The following KLHL4 variants were observed in gnomAD, a reference collection of about 807,000 sequenced individuals.
KLHL4 encodes the protein kelch-like protein 4.
Under a neutral mutation model 45.8 loss-of-function variants are expected in KLHL4, and 17 were observed. That is an observed-to-expected ratio of 0.37 (90% CI 0.25 to 0.56). KLHL4 has a LOEUF of 0.56. Ranked by LOEUF, KLHL4 falls within the 20% of genes least tolerant of loss-of-function variation. The pLI, the probability that KLHL4 is intolerant of heterozygous loss-of-function variation, is 0.79. For synonymous variants in KLHL4, 224 were observed against 189.9 expected, an observed-to-expected ratio of 1.18 and a Z score of -1.47; for missense variants, 544 against 544.9, an observed-to-expected ratio of 1.00 and a Z score of 0.02.
intron 9 of KLHL4, among the ~76,000 whole-genome samples, chrX:87,656,106 G>T (rs1197984201): frequency 9.1e-6 from 1 of 110,277 alleles, no homozygotes; most frequent in African/African-American, 3.3e-5. Flanking sequence ...CTTTTCTTTT[G>T]CTGATTTTAG....
chrX:87,568,189 T>C (rs1394529340), intron 1 of KLHL4, among the ~76,000 whole-genome samples: 1 of 108,354 alleles, frequency 9.2e-6, no homozygotes, highest in African/African-American at 3.4e-5. Context: ...GGGGAGAAAA[T>C]GGGGCTTTAT....
At chrX:87,530,283 A>G (rs1459824976) in intron 1 of KLHL4, among the ~76,000 whole-genome samples, 1 of 102,661 alleles carries the variant, frequency 9.7e-6, no homozygotes, top group Non-Finnish European at 2.0e-5. Context: ...TTTTTTTTTT[A>G]TTATACTTTA....
intron 9 of KLHL4, among the ~76,000 whole-genome samples, chrX:87,661,746 A>C (rs759859033): frequency 3.6e-5 from 4 of 111,954 alleles, no homozygotes; most frequent in East Asian, 5.6e-4. Context: ...ATACTCTTAA[A>C]ATTTTTTTAA....
chrX:87,599,793 C>T (rs759185380), intron 1 of KLHL4, among the ~76,000 whole-genome samples: 5 of 111,899 alleles, frequency 4.5e-5, no homozygotes, highest in African/African-American at 9.7e-5. Flanking sequence ...CTCTCTCACT[C>T]TTCCATCCAT....
chrX:87,518,660 T>C (rs931131938), intron 1 of KLHL4, among the ~76,000 whole-genome samples: 16 of 112,004 alleles, frequency 1.4e-4, no homozygotes, highest in Middle Eastern at 4.6e-3. Context: ...GTGCAAGTGT[T>C]ATGAATCACG....
In KLHL4 at chrX:87,544,746, T is replaced by C. The variant is rs767363170; in HGVS notation, c.422+26431T>C. The stretch of plus-strand genomic sequence containing the variant: ...CTTCAAGAACCACAGCATTACAGGG[T>C]TTAAGGGGCCCCACACCAAAGCAGA... On this transcript the variant is annotated intron_variant, in intron 1 of 10. Coordinates refer to ENST00000373119, the MANE Select transcript of KLHL4 (RefSeq NM_019117.5). Among the ~76,000 whole-genome samples the C allele has an allele frequency of 1.2e-4, 13 of 111,223 alleles. 1 individual carries two copies. In the South Asian group the frequency reaches 5.0e-3, roughly 43 times the overall value.
At chrX:87,556,160 A>AGGTGT (rs903440309) in intron 1 of KLHL4, among the ~76,000 whole-genome samples, 10 of 110,984 alleles carry the variant, frequency 9.0e-5, no homozygotes, top group Non-Finnish European at 1.5e-4. Flanking sequence ...ATTTTGGAAT[A>AGGTGT]GGTGTGGTGT....
At chrX:87,640,731 T>C (rs2147829717) in intron 9 of KLHL4, among the ~76,000 whole-genome samples, 2 of 111,299 alleles carry the variant, frequency 1.8e-5, no homozygotes, top group South Asian at 7.5e-4. Flanking sequence ...ACAGCCAACA[T>C]AATACTGAAC....
At chrX:87,534,532 ATG>A (rs1195880965) in intron 1 of KLHL4, among the ~76,000 whole-genome samples, 1 of 111,328 alleles carries the variant, frequency 9.0e-6, no homozygotes, top group Non-Finnish European at 1.9e-5. Flanking sequence ...GACCAGGCGG[ATG>A]CTTAAAAACA....
chrX:87,544,743 G>A (rs1301926227), intron 1 of KLHL4, among the ~76,000 whole-genome samples: 4 of 111,735 alleles, frequency 3.6e-5, no homozygotes, highest in Non-Finnish European at 5.6e-5. Context: ...CAGCATTACA[G>A]GGTTTAAGGG....
intron 4 of KLHL4, among the ~76,000 whole-genome samples, chrX:87,619,810 T>C (rs779234631): frequency 8.9e-6 from 1 of 112,368 alleles, no homozygotes; most frequent in African/African-American, 3.2e-5. Context: ...CTTCTTTAGT[T>C]ATGTTAGTAT....
At chrX:87,643,794 A>T (rs751329048) in intron 9 of KLHL4, among the ~76,000 whole-genome samples, 1 of 111,913 alleles carries the variant, frequency 8.9e-6, no homozygotes, top group Non-Finnish European at 1.9e-5. Flanking sequence ...AATAATTTTT[A>T]AAAAATCACA....
At chrX:87,655,771 A>T (rs1455477660) in intron 9 of KLHL4, among the ~76,000 whole-genome samples, 1 of 111,808 alleles carries the variant, frequency 8.9e-6, no homozygotes, top group African/African-American at 3.2e-5. Context: ...TAATTGTTTT[A>T]TAAGACTTTT....
chrX:87,623,296 T>C (rs1048957410), intron 5 of KLHL4, among the ~76,000 whole-genome samples: 12 of 85,812 alleles, frequency 1.4e-4, no homozygotes, highest in South Asian at 1.3e-3. Flanking sequence ...TTCTTTTTTT[T>C]TTTTTTTTTT....
chrX:87,610,877 C>T (rs1157804394), intron 1 of KLHL4, among the ~76,000 whole-genome samples: 1 of 110,669 alleles, frequency 9.0e-6, no homozygotes, highest in Non-Finnish European at 1.9e-5. Context: ...AGTTCGAGAC[C>T]AGCCTGGCCA....
At chrX:87,662,777 A>C (rs1335232719) in intron 9 of KLHL4, among the ~76,000 whole-genome samples, 2 of 109,589 alleles carry the variant, frequency 1.8e-5, no homozygotes, top group African/African-American at 6.6e-5. Flanking sequence ...AAAATACAAA[A>C]AAATTAGCCG....
intron 9 of KLHL4, among the ~76,000 whole-genome samples, chrX:87,664,378 C>G (rs974555118): frequency 2.7e-4 from 30 of 111,761 alleles, no homozygotes; most frequent in Non-Finnish European, 1.3e-4. Flanking sequence ...TAAAATGGAT[C>G]AGGCATCTTA....
intron 1 of KLHL4, among the ~76,000 whole-genome samples, chrX:87,521,593 A>AC (rs1931002262): frequency 8.9e-6 from 1 of 111,771 alleles, no homozygotes; most frequent in African/African-American, 3.2e-5. Flanking sequence ...CTTCAGATAG[A>AC]GAAGGCTTTT....
intron 9 of KLHL4, among the ~76,000 whole-genome samples, chrX:87,650,574 G>T (rs939791397): frequency 8.9e-6 from 1 of 112,336 alleles, no homozygotes; most frequent in African/African-American, 3.2e-5. Context: ...TGGTAAATGT[G>T]GTTCTTGTTC....
Sources: allele counts gnomAD v4.1 joint callset (sites outside exome capture counted in the v4.1 genomes callset), GRCh38; gene constraint gnomAD v4.1.1; transcripts MANE v1.5; gene names NCBI Gene and HGNC (gene_info 2026-07-23, HGNC 2026-07-21).